ACAP2: variants seen among roughly 807,000 people sequenced by gnomAD.
ACAP2 encodes arf-GAP with coiled-coil, ANK repeat and PH domain-containing protein 2.
A neutral mutation model predicts 115.8 loss-of-function variants in ACAP2; 39 were observed. The ratio of observed to expected loss-of-function variants is 0.34; its 90% confidence interval spans 0.26 to 0.44. The LOEUF is 0.44. Among genes scored for constraint, ACAP2 ranks in the 20% least tolerant of loss-of-function variants. The probability of loss-of-function intolerance (pLI) is 1.00; values close to 1 mark genes in which losing one functional copy is unlikely to be tolerated. For missense variants in ACAP2, 662 were observed against 927.6 expected (o/e 0.71, Z 3.72); for synonymous variants, 289 against 315.8 (o/e 0.92, Z 0.90).
At position 195,275,033 on chromosome 3, in the gene ACAP2, A is replaced by G. The variant is rs1387010960; in HGVS notation, c.*4295T>C. 1 of 152,686 alleles carries G rather than the reference A, an allele frequency of 6.5e-6. No individual in the cohort carries two copies. The highest frequency in any genetic ancestry group is 2.4e-5 in the African/African-American group (1 of 41,472). The allele number at this position is 152,686 out of a possible 1,614,324, so 9.5% of individuals were successfully genotyped here. ...TTTATGACTGGAATGATCCAGAAAT[A>G]TCACAAAGCATGAGTAAACACATAT... On this transcript the variant is annotated 3_prime_UTR_variant, in exon 23 of 23. Transcript: ENST00000326793.
At chr3:195,411,893 GA>G (rs79065446) in intron 1 of ACAP2, among the ~76,000 whole-genome samples, 1,333 of 123,248 alleles carry the variant, frequency 0.011, 31 homozygotes, top group East Asian at 0.1. Context: ...TAGTAATAAG[GA>G]AAAAAAAAAA....
intron 8 of ACAP2, among the ~76,000 whole-genome samples, chr3:195,331,361 T>G (rs1370339005): frequency 6.6e-6 from 1 of 152,000 alleles, no homozygotes; most frequent in Non-Finnish European, 1.5e-5. Flanking sequence ...AGGCAGAGTT[T>G]CCCTCTGTCA....
At chr3:195,356,171 G>A (rs1268936055) in intron 4 of ACAP2, 1 of 456,722 alleles carries the variant, frequency 2.2e-6, no homozygotes, top group Non-Finnish European at 4.4e-6. Flanking sequence ...GGGCACAGAG[G>A]AAGAATCTGC....
intron 1 of ACAP2, among the ~76,000 whole-genome samples, chr3:195,429,692 C>T (rs1399492001): frequency 6.6e-6 from 1 of 152,130 alleles, no homozygotes; most frequent in Non-Finnish European, 1.5e-5. Context: ...AAGAAAAAAA[C>T]TATGAACACG....
intron 19 of ACAP2, among the ~76,000 whole-genome samples, 162 bp downstream of exon 19, chr3:195,292,103 G>A (rs144747953): frequency 1.2e-4 from 18 of 152,284 alleles, no homozygotes; most frequent in Admixed American, 5.9e-4. Context: ...TGAAACAACC[G>A]AAGTGGTGCT....
At chr3:195,432,922 T>C (rs1234516000) in intron 1 of ACAP2, among the ~76,000 whole-genome samples, 6 of 151,910 alleles carry the variant, frequency 3.9e-5, no homozygotes, top group African/African-American at 2.4e-5. Context: ...TATAGACAGA[T>C]TGGTTTTCTT....
intron 5 of ACAP2, among the ~76,000 whole-genome samples, chr3:195,344,743 G>T (rs1333454878): frequency 6.6e-6 from 1 of 151,884 alleles, no homozygotes; most frequent in Non-Finnish European, 1.5e-5. Context: ...TGGTCTCGCC[G>T]CCTGACCTCA....
chr3:195,293,278 T>A (rs948362076), intron 18 of ACAP2, among the ~76,000 whole-genome samples: 1 of 152,184 alleles, frequency 6.6e-6, no homozygotes, highest in Non-Finnish European at 1.5e-5. Context: ...CCATCCCAAT[T>A]GGCACTACAA....
chr3:195,334,164 G>A (rs530144497), intron 7 of ACAP2, among the ~76,000 whole-genome samples: 75 of 150,304 alleles, frequency 5.0e-4, no homozygotes, highest in Non-Finnish European at 9.0e-4. Flanking sequence ...ATTTTCTGAC[G>A]TCTAAAACAG....
intron 6 of ACAP2, among the ~76,000 whole-genome samples, chr3:195,339,268 T>C (rs773796624): frequency 6.6e-6 from 1 of 152,108 alleles, no homozygotes; most frequent in Admixed American, 6.5e-5. Context: ...TAGTTTCTTC[T>C]GCATGTATTT....
chr3:195,320,900 GA>G lies in ACAP2; in HGVS notation c.745-88del, dbSNP rs1297223279. On this transcript the variant is annotated intron_variant, in intron 9 of 22. Transcript: ENST00000326793. ...GGATCCTAAGAAAAGAGTTCAAAAG[GA>G]AGAAAAGGTTTATATTAAGACAGTT... 10 of 808,334 alleles carry G rather than the reference GA, an allele frequency of 1.2e-5. No homozygotes were observed. In the Admixed American group the frequency reaches 2.3e-4, roughly 19 times the overall value. The allele number at this position is 808,334 out of a possible 1,614,324, so 50.1% of individuals were successfully genotyped here.
At chr3:195,309,503 G>A (rs2066154) in intron 10 of ACAP2, among the ~76,000 whole-genome samples, 39,708 of 150,436 alleles carry the variant, frequency 0.26, 5,888 homozygotes, top group East Asian at 0.71. Context: ...CCGAGATCAC[G>A]CCATTGCACT....
chr3:195,347,929 T>C (rs1218533501), intron 4 of ACAP2, among the ~76,000 whole-genome samples: 3 of 152,004 alleles, frequency 2.0e-5, no homozygotes, highest in East Asian at 3.8e-4. Context: ...AGAGAATCAC[T>C]TGAGCCCAGG....
At chr3:195,361,152 G>C (rs991961546) in intron 4 of ACAP2, among the ~76,000 whole-genome samples, 5 of 152,124 alleles carry the variant, frequency 3.3e-5, no homozygotes, top group African/African-American at 1.2e-4. Flanking sequence ...GAAAGAAACT[G>C]GGCTGGGCAC....
chr3:195,405,886 A>G (rs1712730447), intron 1 of ACAP2, among the ~76,000 whole-genome samples: 1 of 152,098 alleles, frequency 6.6e-6, no homozygotes, highest in South Asian at 2.1e-4. Flanking sequence ...GAGGAGTTAC[A>G]CATTCTTAAA....
intron 4 of ACAP2, among the ~76,000 whole-genome samples, chr3:195,356,387 C>T (rs1298589789): frequency 2.0e-5 from 3 of 152,162 alleles, no homozygotes; most frequent in Non-Finnish European, 2.9e-5. Context: ...TCCTAAATAA[C>T]AGTAAAAGGC....
chr3:195,278,875 A>G lies in ACAP2; in HGVS notation c.*453T>C, dbSNP rs1292264934. ...CACACACACCTATTTCTGAACCACC[A>G]AAAAGCCTCAGGGAAGCTAAAGAAA... is the stretch of plus-strand genomic sequence containing the variant. On this transcript the variant is annotated 3_prime_UTR_variant, in exon 23 of 23. Transcript: ENST00000326793. 1 of 153,332 alleles carries G rather than the reference A, an allele frequency of 6.5e-6. No homozygotes were observed. Among genetic ancestry groups the G allele is most frequent in the Non-Finnish European group, 1.5e-5 (1 of 68,872 alleles). The allele number at this position is 153,332 out of a possible 1,614,324, so 9.5% of individuals were successfully genotyped here.
chr3:195,437,614 G>T (rs1715642205), intron 1 of ACAP2, among the ~76,000 whole-genome samples: 1 of 151,938 alleles, frequency 6.6e-6, no homozygotes, highest in Non-Finnish European at 1.5e-5. Flanking sequence ...AGGAGTTCAA[G>T]ACCAGCCTGG....
At chr3:195,423,860 T>C (rs1714393477) in intron 1 of ACAP2, among the ~76,000 whole-genome samples, 1 of 151,970 alleles carries the variant, frequency 6.6e-6, no homozygotes, top group Non-Finnish European at 1.5e-5. Context: ...AGCACACATG[T>C]AGAAATGATG....
Sources: allele counts gnomAD v4.1 joint callset (sites outside exome capture counted in the v4.1 genomes callset), GRCh38; gene constraint gnomAD v4.1.1; transcripts MANE v1.5; gene names NCBI Gene and HGNC (gene_info 2026-07-23, HGNC 2026-07-21).